The following GLMN variants were observed in gnomAD, a reference collection of about 807,000 sequenced individuals.
GLMN encodes the protein glomulin, FKBP associated protein, also known as glomulin.
In GLMN, 75 loss-of-function variants were observed where a neutral mutation model predicts 87.8. That is an observed-to-expected ratio of 0.85 (90% CI 0.71 to 1.04). The LOEUF (loss-of-function observed/expected upper bound fraction) is 1.04. GLMN is among the 50% of genes least tolerant of loss of function. The pLI is 0.00. For synonymous variants in GLMN, 206 were observed against 221.6 expected (o/e 0.93, Z 0.63); for missense variants, 588 against 658.8 (o/e 0.89, Z 1.18).
the GLMN span, among the ~76,000 whole-genome samples, chr1:92,305,442 A>AAAAAAAAAAAAAAAAAAAAAAAAAAAC: frequency 6.8e-6 from 1 of 148,112 alleles, no homozygotes; most frequent in African/African-American, 2.5e-5. Context: ...CAAAAAAAAA[A>AAAAAAAAAAAAAAAAAAAAAAAAAAAC]AAAAAAAAAG....
At chr1:92,319,093 G>C in the GLMN span, among the ~76,000 whole-genome samples, 103 of 152,272 alleles carry the variant, frequency 6.8e-4, no homozygotes, top group Non-Finnish European at 8.1e-4. Context: ...CCAGAGTGGA[G>C]ATTCAAGGGA....
the GLMN span, among the ~76,000 whole-genome samples, chr1:92,329,229 G>A: frequency 7.6e-4 from 115 of 152,308 alleles, 1 homozygote; most frequent in African/African-American, 2.7e-3. Context: ...AAGAGATTAA[G>A]TCCTTTGTCT....
At chr1:92,319,386 A>G in the GLMN span, among the ~76,000 whole-genome samples, 6 of 152,186 alleles carry the variant, frequency 3.9e-5, no homozygotes, top group Admixed American at 3.9e-4. Context: ...CCTTATCTAT[A>G]ACATGGGGAT....
chr1:92,355,817 G>A, the GLMN span, among the ~76,000 whole-genome samples: 131,420 of 152,216 alleles, frequency 0.86, 57,157 homozygotes, highest in East Asian at 1. Context: ...ATGTTCAACC[G>A]GTAAGTATAA....
At chr1:92,324,211 G>A in the GLMN span, 1 of 1,613,996 alleles carries the variant, frequency 6.2e-7, no homozygotes, top group African/African-American at 1.3e-5. Context: ...GAACAGCTTG[G>A]ATGAGTCTTT....
chr1:92,303,798 T>C (rs569132727), upstream of GLMN, among the ~76,000 whole-genome samples: 252 of 152,300 alleles, frequency 1.7e-3, no homozygotes, highest in Non-Finnish European at 2.8e-3. Flanking sequence ...GCTCACTATA[T>C]GTTGAGCACT....
At chr1:92,262,265 G>C (rs908394501) in intron 16 of GLMN, among the ~76,000 whole-genome samples, 7 of 152,134 alleles carry the variant, frequency 4.6e-5, no homozygotes, top group African/African-American at 1.7e-4. Context: ...GGAAAGCAAT[G>C]ATCAGAACAG....
chr1:92,263,615 C>G lies in GLMN; in HGVS notation c.1409+8G>C. The G allele has an allele frequency of 8.5e-7, 1 of 1,177,558 alleles. No individual in the cohort carries two copies. The highest frequency in any genetic ancestry group is 1.3e-6 in the Non-Finnish European group (1 of 781,134). 72.9% of individuals were successfully genotyped at this position (1,177,558 alleles called of 1,614,324 possible). A position where few individuals can be genotyped will look rare whatever the true frequency, so the allele number is the denominator to read the frequency against. The stretch of plus-strand genomic sequence containing the variant: ...TTACTATGTGAACTTTGGTAATGGT[C>G]ACCTCACCTATCTGAGTTTTGCAGT... On this transcript the variant is annotated splice_region_variant and intron_variant, in intron 15 of 18. Transcript: ENST00000370360.
chr1:92,351,645 G>A, the GLMN span, among the ~76,000 whole-genome samples: 1 of 152,072 alleles, frequency 6.6e-6, no homozygotes, highest in Non-Finnish European at 1.5e-5. Context: ...TAACACAAGA[G>A]GTCACTGTGC....
chr1:92,280,513 C>A (rs1282274214), intron 7 of GLMN, among the ~76,000 whole-genome samples: 1 of 152,176 alleles, frequency 6.6e-6, no homozygotes, highest in Admixed American at 6.5e-5. Flanking sequence ...TGGGGAGAAA[C>A]CAGAGCAGAA....
chr1:92,344,471 A>C, the GLMN span, among the ~76,000 whole-genome samples: 1 of 152,200 alleles, frequency 6.6e-6, no homozygotes, highest in Non-Finnish European at 1.5e-5. Flanking sequence ...AAATATGTAA[A>C]TCTAGTTTAT....
upstream of GLMN, among the ~76,000 whole-genome samples, chr1:92,302,238 C>G (rs980211865): frequency 6.6e-6 from 1 of 151,284 alleles, no homozygotes; most frequent in East Asian, 1.9e-4. Flanking sequence ...GATCACACCA[C>G]TGCACTCCAG....
rs376059458 is a variant in GLMN at position 92,291,090 on chromosome 1, C to T, written c.285+328G>A. On this transcript the variant is annotated intron_variant, in intron 4 of 18. Transcript: ENST00000370360. ...GCCAAAAGATAAATGTGACCTTGAA[C>T]TACCTCTCTAAAGCTTGTATTCCAC... Among the ~76,000 whole-genome samples, 16 of 152,306 alleles carry T rather than the reference C, an allele frequency of 1.1e-4. No homozygotes were observed. The South Asian group carries it at 3.1e-3, about 30-fold the overall frequency.
In GLMN at chr1:92,289,049, A is replaced by G; in HGVS notation, c.497T>C (p.Ile166Thr). 6.2e-7 allele frequency: 1 copy of G among 1,610,756 alleles called. No individual in the cohort carries two copies. The highest frequency in any genetic ancestry group is 1.7e-5 in the Admixed American group (1 of 60,002). ...LLPVPYSKEQ[I>T]QMDDYGLCQC... is the part of the protein sequence containing the mutation. The stretch of plus-strand genomic sequence containing the variant: ...ACAAAGGCCATAGTCATCCATTTGT[A>G]TTTGTTCTTTTGAGTATGGAACAGG... Residue 166 changes from isoleucine to threonine, a missense_variant, in exon 6 of 19, where the codon ATA becomes ACA. Ile to Thr is a moderately conservative substitution (Grantham distance 89). Transcript: ENST00000370360.
intron 4 of GLMN, 93 bp downstream of exon 4, chr1:92,291,325 C>A: frequency 8.5e-7 from 1 of 1,181,296 alleles, no homozygotes; most frequent in Non-Finnish European, 1.3e-6. Flanking sequence ...CTTTCATGAA[C>A]CAAAAGCTTT....
At chr1:92,354,291 A>G in the GLMN span, among the ~76,000 whole-genome samples, 108 of 152,358 alleles carry the variant, frequency 7.1e-4, no homozygotes, top group African/African-American at 2.4e-3. Context: ...TGTGGAAGCC[A>G]TAGTTGATTA....
chr1:92,343,137 T>C, the GLMN span, among the ~76,000 whole-genome samples: 1 of 152,082 alleles, frequency 6.6e-6, no homozygotes, highest in Non-Finnish European at 1.5e-5. Flanking sequence ...CACTCCAGTA[T>C]TAAAAGGTCC....
chr1:92,316,194 G>A, the GLMN span, among the ~76,000 whole-genome samples: 1 of 152,100 alleles, frequency 6.6e-6, no homozygotes, highest in African/African-American at 2.4e-5. Flanking sequence ...AGCTAAAAGC[G>A]CCATCATCTG....
chr1:92,304,620 G>A, the GLMN span, among the ~76,000 whole-genome samples: 2 of 152,128 alleles, frequency 1.3e-5, no homozygotes, highest in African/African-American at 2.4e-5. Context: ...ATAAATCATG[G>A]AACAGAATAG....
Sources: gnomAD v4.1 joint callset for allele counts (sites outside exome capture counted in the v4.1 genomes callset) on GRCh38, gnomAD v4.1.1 for gene constraint, MANE v1.5 for transcripts, NCBI Gene and HGNC (gene_info 2026-07-23, HGNC 2026-07-21) for gene names.